Variants in GLIS3 observed in about 807,000 individuals in gnomAD.
The protein encoded by GLIS3 is GLIS family zinc finger 3.
A neutral mutation model predicts 78.6 loss-of-function variants in GLIS3; 53 were observed. The ratio of observed to expected loss-of-function variants is 0.67; its 90% CI spans 0.54 to 0.85. The LOEUF (loss-of-function observed/expected upper bound fraction) is 0.85. Among genes scored for constraint, GLIS3 ranks in the 40% least tolerant of loss-of-function variants. The pLI, the probability that GLIS3 is intolerant of heterozygous loss-of-function variation, is 0.00. For synonymous variants in GLIS3, 684 were observed against 509.9 expected (o/e 1.34, Z -4.60); for missense variants, 1,703 against 1,231.1 (o/e 1.38, Z -5.74).
chr9:4,243,045 T>A (rs79103584), intron 2 of GLIS3, among the ~76,000 whole-genome samples: 2,567 of 152,302 alleles, frequency 0.017, 42 homozygotes, highest in Admixed American at 0.03. Context: ...TCTACCATGA[T>A]TAATCCTTCA....
At chr9:3,967,558 A>T (rs12553804) in intron 4 of GLIS3, among the ~76,000 whole-genome samples, 12,424 of 152,226 alleles carry the variant, frequency 0.082, 560 homozygotes, top group Middle Eastern at 0.13. Context: ...GAGGATAAGT[A>T]TACCAGCATA....
intron 2 of GLIS3, among the ~76,000 whole-genome samples, chr9:4,230,930 G>C (rs1191139470): frequency 6.6e-6 from 1 of 152,148 alleles, no homozygotes; most frequent in African/African-American, 2.4e-5. Flanking sequence ...TTTAGAGCCA[G>C]GTGCAGTGGC....
intron 2 of GLIS3, among the ~76,000 whole-genome samples, chr9:4,323,819 C>G (rs924302328): frequency 5.9e-5 from 9 of 152,212 alleles, no homozygotes; most frequent in African/African-American, 2.2e-4. Flanking sequence ...CATAGGGGCG[C>G]AGCAGAAGTT....
chr9:3,916,044 G>A (rs1018632506), intron 6 of GLIS3, among the ~76,000 whole-genome samples: 1 of 152,122 alleles, frequency 6.6e-6, no homozygotes, highest in African/African-American at 2.4e-5. Flanking sequence ...AGTCCATGTA[G>A]AAGAAAATCT....
rs118050198 is a variant in GLIS3, at chr9:4,022,471, T to C, written c.1711-85282A>G. Among the ~76,000 whole-genome samples the C allele has an allele frequency of 2.1e-4, 32 of 152,336 alleles. No individual in the cohort carries two copies. The East Asian group carries it at 5.6e-3, about 27-fold the overall frequency. On this transcript the variant is annotated intron_variant, in intron 4 of 10. Coordinates refer to ENST00000381971, the MANE Select transcript of GLIS3 (RefSeq NM_001042413.2). ...TATTAAACTTTCTAAAATGCAAATATGTATGCACTGCTTGGTGGCTGGATT... is the reference window on the plus strand; with the variant it reads ...TATTAAACTTTCTAAAATGCAAATACGTATGCACTGCTTGGTGGCTGGATT...
Position 3,855,992 on chromosome 9 carries a change from G to T in GLIS3, c.2473+17C>A. On this transcript the variant is annotated intron_variant, in intron 9 of 10. Transcript: ENST00000381971. ...GTCACTTTTCAAAACTCAAGGGACT[G>T]CCAGCTTCTTGCTTACCATGGACAT... 2 of 1,613,798 alleles carry T rather than the reference G, an allele frequency of 1.2e-6. No homozygotes were observed. Among genetic ancestry groups the T allele is most frequent in the Non-Finnish European group, 8.5e-7 (1 of 1,179,708 alleles).
chr9:4,002,801 G>A (rs1367005189), intron 4 of GLIS3, among the ~76,000 whole-genome samples: 1 of 152,108 alleles, frequency 6.6e-6, no homozygotes, highest in African/African-American at 2.4e-5. Context: ...TTGTTTCCCT[G>A]GTGAAAAGGG....
At chr9:4,354,980 G>C in the GLIS3 span, among the ~76,000 whole-genome samples, 2 of 151,954 alleles carry the variant, frequency 1.3e-5, no homozygotes. Context: ...CCCAGGCGTG[G>C]TGGCGGGTGC....
At position 3,824,627 on chromosome 9, in the gene GLIS3, A is replaced by G. The variant is rs1817629662; in HGVS notation, c.*3645T>C. 1 of 152,610 alleles carries G rather than the reference A, an allele frequency of 6.6e-6. No homozygotes were observed. The highest frequency in any genetic ancestry group is 2.4e-5 in the African/African-American group (1 of 41,440). The allele number at this position is 152,610 out of a possible 1,614,324, so 9.5% of individuals were successfully genotyped here. A position where few individuals can be genotyped will look rare whatever the true frequency, so the allele number is the denominator to read the frequency against. On this transcript the variant is annotated 3_prime_UTR_variant, in exon 11 of 11. Transcript: ENST00000381971. ...ACAAAACTATACATATTAATAGAAA[A>G]AAGTGTACCTAATTCTTTAAAAGAT...
rs1823891853 is a variant in GLIS3, at chr9:3,908,703, TTTG to T, written c.1984-9871_1984-9869del. ...AAGGCACCATCAATTGTGATTTGTA[TTTG>T]TTTTTTTTTTTTTTTTTTTTTTGTA... is the stretch of plus-strand genomic sequence containing the variant. On this transcript the variant is annotated intron_variant, in intron 6 of 10. Coordinates refer to ENST00000381971, the MANE Select transcript of GLIS3 (RefSeq NM_001042413.2). 3.6e-5 allele frequency among the ~76,000 whole-genome samples: 3 copies of T among 82,406 alleles called. No homozygotes were observed. In the East Asian group the frequency reaches 1.1e-3, roughly 29 times the overall value. The allele number at this position is 82,406 out of a possible 152,430, so 54.1% of individuals were successfully genotyped here.
upstream of GLIS3, among the ~76,000 whole-genome samples, chr9:4,301,864 A>T (rs1295925568): frequency 2.0e-5 from 3 of 152,214 alleles, no homozygotes; most frequent in African/African-American, 7.2e-5. Flanking sequence ...GGAGATCCCC[A>T]AAATCTCTTC....
chr9:3,844,676 C>T (rs1818928803), intron 9 of GLIS3, among the ~76,000 whole-genome samples: 1 of 152,160 alleles, frequency 6.6e-6, no homozygotes, highest in Non-Finnish European at 1.5e-5. Flanking sequence ...GGAAAACAAA[C>T]TGTCTTGCTG....
At chr9:4,249,255 C>G (rs1027005321) in intron 2 of GLIS3, among the ~76,000 whole-genome samples, 3 of 152,192 alleles carry the variant, frequency 2.0e-5, no homozygotes, top group Admixed American at 6.5e-5. Context: ...TATCCATGAA[C>G]ATGGAATGTC....
At chr9:4,463,885 T>C in the GLIS3 span, among the ~76,000 whole-genome samples, 1 of 152,100 alleles carries the variant, frequency 6.6e-6, no homozygotes, top group Non-Finnish European at 1.5e-5. Flanking sequence ...TTTGTACGTG[T>C]GGTATAGGTC....
At chr9:4,142,326 A>G (rs1022566143) in intron 2 of GLIS3, among the ~76,000 whole-genome samples, 1 of 152,240 alleles carries the variant, frequency 6.6e-6, no homozygotes, top group Non-Finnish European at 1.5e-5. Flanking sequence ...ATAATATACA[A>G]AGTCTTAGAA....
rs192152176 is a variant in GLIS3, at chr9:4,267,837, A to G, written c.388+18201T>C. ...TGAGTTTTTTAAGCCTCATTCTCCT[A>G]ATTCCCAAGACAACGTTTCTACTAG... On this transcript the variant is annotated intron_variant, in intron 2 of 10. Coordinates refer to ENST00000381971, the MANE Select transcript of GLIS3 (RefSeq NM_001042413.2). Among the ~76,000 whole-genome samples, 3 of 152,318 alleles carry G rather than the reference A, an allele frequency of 2.0e-5. 1 individual carries two copies. The East Asian group carries it at 5.8e-4, about 29-fold the overall frequency.
At chr9:3,962,328 C>A (rs1817622834) in intron 4 of GLIS3, among the ~76,000 whole-genome samples, 1 of 151,912 alleles carries the variant, frequency 6.6e-6, no homozygotes, top group African/African-American at 2.4e-5. Flanking sequence ...TAATTGGCTG[C>A]AACTAAGTTT....
At chr9:4,338,359 T>C (rs1000827009) in intron 2 of GLIS3, among the ~76,000 whole-genome samples, 1 of 143,336 alleles carries the variant, frequency 7.0e-6, no homozygotes, top group Admixed American at 7.2e-5. Flanking sequence ...TTCTATTATA[T>C]ATGTGTGTAC....
intron 2 of GLIS3, among the ~76,000 whole-genome samples, chr9:4,202,905 A>G (rs1208133010): frequency 2.0e-5 from 3 of 152,206 alleles, no homozygotes; most frequent in Non-Finnish European, 4.4e-5. Flanking sequence ...GGACATTGCC[A>G]TGGGAAAGAA....
Sources: gnomAD v4.1 joint callset for allele counts (sites outside exome capture counted in the v4.1 genomes callset) on GRCh38, gnomAD v4.1.1 for gene constraint, MANE v1.5 for transcripts, NCBI Gene and HGNC (gene_info 2026-07-23, HGNC 2026-07-21) for gene names.